SLC27A5: variants seen among roughly 807,000 people sequenced by gnomAD.
The protein encoded by SLC27A5 is long-chain fatty acid transport protein 5.
A neutral mutation model predicts 63.1 loss-of-function variants in SLC27A5; 47 were observed. The ratio of observed to expected loss-of-function variants is 0.74; its 90% CI spans 0.59 to 0.95. The LOEUF is 0.95. Ranked by LOEUF, SLC27A5 falls within the 40% of genes least tolerant of loss-of-function variation. The pLI, the probability that SLC27A5 is intolerant of heterozygous loss-of-function variation, is 0.00. For missense variants in SLC27A5, 940 were observed against 921.0 expected (o/e 1.02, Z -0.27); for synonymous variants, 391 against 403.8 (o/e 0.97, Z 0.38).
rs1332489652 is a variant in SLC27A5 at position 58,511,425 on chromosome 19, G to A, written c.531C>T (p.Leu177=). The change falls in exon 1 of 10, where the codon CTC becomes CTT. Residue 177 remains leucine, a synonymous_variant. Transcript: ENST00000263093. The stretch of plus-strand genomic sequence containing the variant: ...GAACGGCCTGGGAAGCCAGCACAAG[G>A]AGGGCAGTAGGCTCCCCGGCACACA... ...ASLCAGEPTA[L]LVLASQAVPA... is the part of the protein sequence containing the mutation. 6.2e-6 allele frequency: 10 copies of A among 1,606,032 alleles called. No individual in the cohort carries two copies. The highest frequency in any genetic ancestry group is 6.8e-6 in the Non-Finnish European group (8 of 1,176,672).
chr19:58,499,047 C>T, intron 8 of SLC27A5, 76 bp downstream of exon 8: 1 of 1,602,958 alleles, frequency 6.2e-7, no homozygotes, highest in East Asian at 2.2e-5. Flanking sequence ...CCTAGCACTT[C>T]CCCACCTGTA....
intron 3 of SLC27A5, among the ~76,000 whole-genome samples, chr19:58,507,111 C>T (rs554625619): frequency 8.8e-4 from 133 of 151,744 alleles, no homozygotes; most frequent in African/African-American, 3.0e-3. Context: ...GTAATCCCAG[C>T]ACTTTGGGAG....
intron 3 of SLC27A5, among the ~76,000 whole-genome samples, chr19:58,503,376 G>C (rs1827421454): frequency 1.3e-5 from 2 of 151,748 alleles, no homozygotes; most frequent in Non-Finnish European, 2.9e-5. Context: ...TAAGATATAG[G>C]GGGCTGGGCG....
In SLC27A5 at chr19:58,500,591, C is replaced by CCGTA. The variant is rs2053263456; in HGVS notation, c.1294_1297dup (p.Gly433ValfsTer34). Reference sequence around the variant, plus strand: ...TAAGCCCATGTTGCCTTCTGTGGAGCCGTAGACTTCCCAGATCCGAATAGG... The same window carrying CCGTA: ...TAAGCCCATGTTGCCTTCTGTGGAGCCGTACGTAGACTTCCCAGATCCGAATAGG... On this transcript the variant is annotated frameshift_variant, in exon 5 of 10. Transcript: ENST00000263093. LOFTEE classifies it high-confidence loss of function. 6.2e-7 allele frequency: 1 copy of CCGTA among 1,614,162 alleles called. No individual in the cohort carries two copies. The highest frequency in any genetic ancestry group is 2.2e-5 in the East Asian group (1 of 44,878).
intron 3 of SLC27A5, chr19:58,508,599 G>C (rs2053373545): frequency 6.6e-6 from 1 of 151,588 alleles, no homozygotes; most frequent in African/African-American, 2.4e-5. Context: ...ATTAGGGGCA[G>C]GTTCCCCCGA....
At chr19:58,504,695 A>G (rs1414985994) in intron 3 of SLC27A5, among the ~76,000 whole-genome samples, 1 of 143,938 alleles carries the variant, frequency 6.9e-6, no homozygotes, top group Non-Finnish European at 1.5e-5. Context: ...CAAAAAAGAA[A>G]CAGGGAAGTA....
At chr19:58,502,903 G>T (rs572757186) in intron 3 of SLC27A5, among the ~76,000 whole-genome samples, 5 of 152,064 alleles carry the variant, frequency 3.3e-5, no homozygotes, top group Non-Finnish European at 7.4e-5. Flanking sequence ...GCAGAGGCAG[G>T]GGGGTAGAAA....
At chr19:58,510,201 C>T in intron 2 of SLC27A5, 196 bp from the exon 3 acceptor site, 1 of 531,028 alleles carries the variant, frequency 1.9e-6, no homozygotes, top group East Asian at 3.2e-5. Context: ...TCAAAGGTTT[C>T]AGTGGCTGTT....
At chr19:58,498,761 C>G in intron 9 of SLC27A5, 24 bp downstream of exon 9, 1 of 1,612,096 alleles carries the variant, frequency 6.2e-7, no homozygotes, top group Non-Finnish European at 8.5e-7. Flanking sequence ...CTTCCACCCA[C>G]CCACCAGGCC....
intron 6 of SLC27A5, 117 bp downstream of exon 6, chr19:58,500,222 G>C: frequency 1.2e-6 from 1 of 809,376 alleles, no homozygotes; most frequent in Non-Finnish European, 2.0e-6. Flanking sequence ...CCAGATGAAG[G>C]CTGCAGACCC....
chr19:58,499,582 G>T lies in SLC27A5; in HGVS notation c.1577C>A (p.Ser526Ter), dbSNP rs1182553248. 1 of 1,613,118 alleles carries T rather than the reference G, an allele frequency of 6.2e-7. No individual in the cohort carries two copies. Reference sequence around the variant, plus strand: ...CCCGGTGTTGTAGTAAACGTCGCCCGATTGCCGCACGTTGCGCACCAGCTT... The same window carrying T: ...CCCGGTGTTGTAGTAAACGTCGCCCTATTGCCGCACGTTGCGCACCAGCTT... Reference protein sequence around the residue: ...ERKLVRNVRQSGDVYYNTGDV... With the variant: ...ERKLVRNVRQ The change falls in exon 7 of 10, where the codon TCG becomes TAG. Residue 526 changes from serine (S) to a stop codon, truncating the protein, a stop_gained. Transcript: ENST00000263093. LOFTEE classifies it high-confidence loss of function.
chr19:58,510,077 G>C, intron 2 of SLC27A5, 72 bp from the exon 3 acceptor site: 1 of 1,475,812 alleles, frequency 6.8e-7, no homozygotes, highest in Non-Finnish European at 9.3e-7. Context: ...CAGAGGGATA[G>C]ATCTCCAACA....
chr19:58,498,948 C>A, intron 8 of SLC27A5, 33 bp from the exon 9 acceptor site: 1 of 1,601,388 alleles, frequency 6.2e-7, no homozygotes, highest in Non-Finnish European at 8.5e-7. Context: ...TCGGCTGACC[C>A]ATCTCGAGGG....
rs765593522 is a variant in SLC27A5, at chr19:58,500,673, C to T, written c.1216G>A (p.Ala406Thr). The change falls in exon 5 of 10, where the codon GCA becomes ACA. Residue 406 changes from alanine to threonine, a missense_variant. Coordinates refer to ENST00000263093, the MANE Select transcript of SLC27A5 (RefSeq NM_012254.3). Reference protein sequence around the residue: ...PEDRTHTVRLAMGNGLRADVW... With the variant: ...PEDRTHTVRLTMGNGLRADVW... ...TCAGCCCGTAGTCCATTGCCCATTG[C>T]CAGGCGGACTGTATGTGTCCGGTCC... 2 of 1,614,118 alleles carry T rather than the reference C, an allele frequency of 1.2e-6. No individual in the cohort carries two copies. Among genetic ancestry groups the T allele is most frequent in the Admixed American group, 3.3e-5 (2 of 60,004 alleles).
Position 58,511,526 on chromosome 19 carries a change from T to C in SLC27A5, c.430A>G (p.Thr144Ala). The change falls in exon 1 of 10, where the codon ACC becomes GCC. Residue 144 changes from threonine to alanine, a missense_variant. Thr to Ala is a moderately conservative substitution (Grantham distance 58, BLOSUM62 0). Transcript: ENST00000263093. Reference sequence around the variant, plus strand: ...GCCCGGGCATCCAGCTCACCAAAGGTGACTGAGCCGGCCCCAGGCCCCGTC... The same window carrying C: ...GCCCGGGCATCCAGCTCACCAAAGGCGACTGAGCCGGCCCCAGGCCCCGTC... ...VWTGPGAGSV[T>A]FGELDARACQ... 6.4e-7 allele frequency: 1 copy of C among 1,566,630 alleles called. No homozygotes were observed.
In SLC27A5 at chr19:58,507,214, G is replaced by A. The variant is rs553975770; in HGVS notation, c.1057+2633C>T. On this transcript the variant is annotated intron_variant, in intron 3 of 9. Transcript: ENST00000263093. ...TATACTAAAAATTCAAAAATTAGCCGGGCATAGTGGTGGGCACCTGTAATA... is the reference window on the plus strand; with the variant it reads ...TATACTAAAAATTCAAAAATTAGCCAGGCATAGTGGTGGGCACCTGTAATA... Among the ~76,000 whole-genome samples the A allele has an allele frequency of 3.0e-3, 458 of 151,978 alleles. 2 individuals are homozygous for A. The highest frequency in any genetic ancestry group is 0.01 in the African/African-American group (421 of 41,476).
chr19:58,506,019 T>C (rs1273401826), intron 3 of SLC27A5, among the ~76,000 whole-genome samples: 1 of 149,016 alleles, frequency 6.7e-6, no homozygotes, highest in African/African-American at 2.5e-5. Context: ...GGCACGGTGG[T>C]GGGAGCCTGT....
Position 58,498,520 on chromosome 19 carries a change from G to A in SLC27A5, c.2068C>T (p.Leu690Phe), listed in dbSNP as rs2053234306. The A allele has an allele frequency of 6.2e-7, 1 of 1,610,358 alleles. No individual in the cohort carries two copies. Among genetic ancestry groups the A allele is most frequent in the Non-Finnish European group, 8.5e-7 (1 of 1,177,510 alleles). Reference sequence around the variant, plus strand: ...CCAGTGGGTTGGCCAGGTGATCAGAGCCTCCAGGTTCCCTCACACACAGCC... The same window carrying A: ...CCAGTGGGTTGGCCAGGTGATCAGAACCTCCAGGTTCCCTCACACACAGCC... Reference protein sequence around the residue: ...YQAVCEGTWRL With the variant: ...YQAVCEGTWRF The change falls in exon 10 of 10, where the codon CTC becomes TTC. Residue 690 changes from leucine (L) to phenylalanine (F), a missense_variant. Transcript: ENST00000263093.
chr19:58,501,496 C>T, intron 3 of SLC27A5, 86 bp from the exon 4 acceptor site: 1 of 1,449,664 alleles, frequency 6.9e-7, no homozygotes, highest in Admixed American at 1.8e-5. Context: ...TCACCCACCC[C>T]CACACCCTGA....
Sources: allele counts gnomAD v4.1 joint callset (sites outside exome capture counted in the v4.1 genomes callset), GRCh38; gene constraint gnomAD v4.1.1; transcripts MANE v1.5; gene names NCBI Gene and HGNC (gene_info 2026-07-23, HGNC 2026-07-21).